The following MAL2 variants were observed in gnomAD, a reference collection of about 807,000 sequenced individuals.
MAL2 encodes the protein protein MAL2.
In MAL2, 17 loss-of-function variants were observed where a neutral mutation model predicts 18.1. The ratio of observed to expected loss-of-function variants is 0.94; its 90% CI spans 0.64 to 1.41. The LOEUF is 1.41. MAL2 is among the 40% of genes most tolerant of loss of function. The pLI, the probability that MAL2 is intolerant of heterozygous loss-of-function variation, is 0.00. For synonymous variants in MAL2, 102 were observed against 102.3 expected (o/e 1.00, Z 0.02); for missense variants, 222 against 231.9 (o/e 0.96, Z 0.28).
chr8:119,234,152 G>A (rs569453238), intron 2 of MAL2, among the ~76,000 whole-genome samples: 67 of 152,340 alleles, frequency 4.4e-4, no homozygotes, highest in Middle Eastern at 3.4e-3. Context: ...CTTGGGAAGC[G>A]CAAGGGGTCA....
At chr8:119,232,445 A>C (rs1002919227) in intron 2 of MAL2, among the ~76,000 whole-genome samples, 3 of 152,194 alleles carry the variant, frequency 2.0e-5, no homozygotes, top group African/African-American at 7.2e-5. Context: ...AGCTATTAAA[A>C]ATAAACAGTG....
Position 119,243,604 on chromosome 8 carries a change from TAG to T in MAL2, c.*124_*125del. The T allele has an allele frequency of 1.1e-5, 8 of 758,260 alleles. No individual in the cohort carries two copies. Among genetic ancestry groups the T allele is most frequent in the Non-Finnish European group, 1.4e-5 (7 of 516,518 alleles). 47.0% of individuals were successfully genotyped at this position (758,260 alleles called of 1,614,324 possible). On this transcript the variant is annotated 3_prime_UTR_variant, in exon 4 of 4. Transcript: ENST00000614891. ...AACATTCCAAAAGTAATGTGTTTAG[TAG>T]AGAGAGACTCTAAGCTCAAGTTCTG...
chr8:119,239,406 C>A (rs1463217141), intron 2 of MAL2, among the ~76,000 whole-genome samples: 1 of 151,722 alleles, frequency 6.6e-6, no homozygotes, highest in Non-Finnish European at 1.5e-5. Context: ...ACCATTTGAC[C>A]CAGCCATCCC....
intron 2 of MAL2, among the ~76,000 whole-genome samples, chr8:119,234,920 A>G (rs1205201762): frequency 6.6e-6 from 1 of 152,282 alleles, no homozygotes; most frequent in East Asian, 1.9e-4. Context: ...CTCCAAAGGA[A>G]CGCAGTTCCT....
At position 119,208,529 on chromosome 8, in the gene MAL2, G is replaced by A. The variant is rs758403171; in HGVS notation, c.57G>A (p.Pro19=). Residue 19 remains proline (P), a synonymous_variant, in exon 1 of 4, where the codon CCG becomes CCA. Coordinates refer to ENST00000614891, the MANE Select transcript of MAL2 (RefSeq NM_052886.3). This position sits in a 1 kb window ranked among gnomAD's most constrained non-coding sequence, Gnocchi z 4.3. ...CCCCGAACCCCGCCGTGTCCTTCCC[G>A]CCGCCCCGGGTCACCCTGCCCGCCG... ...PPPPNPAVSF[P]PPRVTLPAGP... is the part of the protein sequence containing the mutation. 7 of 1,385,956 alleles carry A rather than the reference G, an allele frequency of 5.1e-6. 1 individual carries two copies. In the South Asian group the frequency reaches 8.3e-5, roughly 16 times the overall value. The allele number at this position is 1,385,956 out of a possible 1,614,324, so 85.9% of individuals were successfully genotyped here. A position where few individuals can be genotyped will look rare whatever the true frequency, so the allele number is the denominator to read the frequency against.
rs1818129760 is a variant in MAL2 at position 119,245,278 on chromosome 8, T to G, written c.*1790T>G. On this transcript the variant is annotated 3_prime_UTR_variant, in exon 4 of 4. Coordinates refer to ENST00000614891, the MANE Select transcript of MAL2 (RefSeq NM_052886.3). The stretch of plus-strand genomic sequence containing the variant: ...ATTACAAAGTCATAAATGTGCCATA[T>G]GGATATACAGTACATTCTAGTTGGA... The G allele has an allele frequency of 6.6e-6, 1 of 152,622 alleles. No individual in the cohort carries two copies. Among genetic ancestry groups the G allele is most frequent in the African/African-American group, 2.4e-5 (1 of 41,462 alleles). 9.5% of individuals were successfully genotyped at this position (152,622 alleles called of 1,614,324 possible).
chr8:119,221,793 A>G, intron 2 of MAL2, 36 bp downstream of exon 2: 1 of 1,602,756 alleles, frequency 6.2e-7, no homozygotes, highest in South Asian at 1.1e-5. Context: ...TTGCAGGAAG[A>G]TGGGAGAAAC....
At position 119,243,471 on chromosome 8, in the gene MAL2, C is replaced by T. The variant is rs1446515047; in HGVS notation, c.514C>T (p.Arg172Ter). ...CYGCSLGLAL[R>*]RWRP is the part of the protein sequence containing the mutation. ...TGGTTGCAGTTTGGGTCTGGCTTTA[C>T]GAAGATGGCGACCGTAACACTCCTT... is the stretch of plus-strand genomic sequence containing the variant. The change falls in exon 4 of 4, where the codon CGA becomes TGA. Residue 172 changes from arginine (R) to a stop codon, truncating the protein, a stop_gained. Transcript: ENST00000614891. LOFTEE classifies it high-confidence loss of function. The T allele has an allele frequency of 3.8e-6, 6 of 1,599,600 alleles. No homozygotes were observed. The highest frequency in any genetic ancestry group is 1.7e-5 in the Admixed American group (1 of 58,174).
At chr8:119,237,065 A>AAGAG (rs1032523820) in intron 2 of MAL2, among the ~76,000 whole-genome samples, 1 of 151,404 alleles carries the variant, frequency 6.6e-6, no homozygotes, top group Admixed American at 6.6e-5. Context: ...TAAAGAAAAA[A>AAGAG]AGAAGAATCA....
At chr8:119,232,039 A>G (rs1474193820) in intron 2 of MAL2, among the ~76,000 whole-genome samples, 1 of 152,136 alleles carries the variant, frequency 6.6e-6, no homozygotes, top group Non-Finnish European at 1.5e-5. Context: ...TTCTTGAAAA[A>G]TGCTAAAAAA....
chr8:119,243,749 T>A lies in MAL2; in HGVS notation c.*261T>A. 6.2e-6 allele frequency: 2 copies of A among 323,748 alleles called. No individual in the cohort carries two copies. The highest frequency in any genetic ancestry group is 1.4e-4 in the South Asian group (1 of 6,906). 20.1% of individuals were successfully genotyped at this position (323,748 alleles called of 1,614,324 possible). On this transcript the variant is annotated 3_prime_UTR_variant, in exon 4 of 4. Coordinates refer to ENST00000614891, the MANE Select transcript of MAL2 (RefSeq NM_052886.3). The stretch of plus-strand genomic sequence containing the variant: ...ATTTTCCTCCTTTTCTTTCTGAAAG[T>A]TTCCTTTTATGTCCATAAAATACAA...
intron 2 of MAL2, among the ~76,000 whole-genome samples, chr8:119,231,008 TAGATGTG>T (rs1449597607): frequency 6.6e-6 from 1 of 152,150 alleles, no homozygotes; most frequent in Non-Finnish European, 1.5e-5. Flanking sequence ...CAGAGTATTT[TAGATGTG>T]AGAACAGTTT....
chr8:119,208,700 G>T lies in MAL2; in HGVS notation c.132+96G>T. 1 of 1,211,800 alleles carries T rather than the reference G, an allele frequency of 8.3e-7. No individual in the cohort carries two copies. The highest frequency in any genetic ancestry group is 3.3e-5 in the East Asian group (1 of 30,188). The allele number at this position is 1,211,800 out of a possible 1,614,324, so 75.1% of individuals were successfully genotyped here. On this transcript the variant is annotated intron_variant, in intron 1 of 3. Transcript: ENST00000614891. This position sits in a 1 kb window ranked among gnomAD's most constrained non-coding sequence, Gnocchi z 4.3. ...CTGTCTTCCTCTGCGTCCGCCCCCG[G>T]CCTCCTTCCCTTCGACGTGGCTTTG...
chr8:119,240,335 T>C lies in MAL2; in HGVS notation c.459+15T>C, dbSNP rs1261990774. The C allele has an allele frequency of 6.2e-7, 1 of 1,611,772 alleles. No homozygotes were observed. Among genetic ancestry groups the C allele is most frequent in the South Asian group, 1.1e-5 (1 of 90,818 alleles). On this transcript the variant is annotated intron_variant, in intron 3 of 3. Coordinates refer to ENST00000614891, the MANE Select transcript of MAL2 (RefSeq NM_052886.3). ...TAGCAGCCTCAGTAAGTATTCATAT[T>C]CAATGAGTACCATTCACCAGCACTT...
intron 1 of MAL2, among the ~76,000 whole-genome samples, chr8:119,214,856 A>G (rs1300980668): frequency 6.6e-6 from 1 of 152,212 alleles, no homozygotes; most frequent in Non-Finnish European, 1.5e-5. Flanking sequence ...TTCTCATTAC[A>G]TCCCAGAATT....
Position 119,243,509 on chromosome 8 carries a change from T to TGTTA in MAL2, c.*21_*22insGTTA. The TGTTA allele has an allele frequency of 6.4e-7, 1 of 1,566,500 alleles. No individual in the cohort carries two copies. Among genetic ancestry groups the TGTTA allele is most frequent in the Non-Finnish European group, 8.7e-7 (1 of 1,153,948 alleles). The stretch of plus-strand genomic sequence containing the variant: ...CGTAACACTCCTTAGAAACTGGCAG[T>TGTTA]CGTATGTTAGTTTCACTTGTCTACT... On this transcript the variant is annotated 3_prime_UTR_variant, in exon 4 of 4. Coordinates refer to ENST00000614891, the MANE Select transcript of MAL2 (RefSeq NM_052886.3).
At position 119,208,414 on chromosome 8, in the gene MAL2, G is replaced by GGGAGGC. The variant is rs527586521; in HGVS notation, c.-50_-45dup. ...GCGGCGGCGGCGGCGGCAGGAGCCC[G>GGGAGGC]GGAGGCGGAGGCGGGAGGCGGCGGC... On this transcript the variant is annotated 5_prime_UTR_variant, in exon 1 of 4. Transcript: ENST00000614891. This position sits in a 1 kb window ranked among gnomAD's most constrained non-coding sequence, Gnocchi z 4.3. 534 of 997,500 alleles carry GGGAGGC rather than the reference G, an allele frequency of 5.4e-4. 2 individuals carry two copies. In the African/African-American group the frequency reaches 6.7e-3, roughly 12 times the overall value. The allele number at this position is 997,500 out of a possible 1,614,324, so 61.8% of individuals were successfully genotyped here. A position where few individuals can be genotyped will look rare whatever the true frequency, so the allele number is the denominator to read the frequency against.
In MAL2 at chr8:119,231,279, G is replaced by A. The variant is rs565590380; in HGVS notation, c.304-8886G>A. Among the ~76,000 whole-genome samples the A allele has an allele frequency of 8.5e-5, 13 of 152,208 alleles. No homozygotes were observed. The East Asian group carries it at 1.2e-3, about 14-fold the overall frequency. ...TCTCTCCTGACCTCATGATCCGCCCGCCTTGACCTCCCAAAGTGCTGGGAT... is the reference window on the plus strand; with the variant it reads ...TCTCTCCTGACCTCATGATCCGCCCACCTTGACCTCCCAAAGTGCTGGGAT... On this transcript the variant is annotated intron_variant, in intron 2 of 3. Coordinates refer to ENST00000614891, the MANE Select transcript of MAL2 (RefSeq NM_052886.3).
chr8:119,215,965 G>A (rs574759516), intron 1 of MAL2, among the ~76,000 whole-genome samples: 21 of 152,242 alleles, frequency 1.4e-4, no homozygotes, highest in East Asian at 7.7e-4. Context: ...TTCAAAATGC[G>A]AATTGTATGT....
Sources: gnomAD v4.1 joint callset for allele counts (sites outside exome capture counted in the v4.1 genomes callset) on GRCh38, gnomAD v4.1.1 for gene constraint, Gnocchi (gnomAD v3.1) non-coding constraint, MANE v1.5 for transcripts, NCBI Gene and HGNC (gene_info 2026-07-23, HGNC 2026-07-21) for gene names.